Variants in PTPRF observed in about 807,000 individuals in gnomAD.
PTPRF encodes protein tyrosine phosphatase receptor type F, also known as receptor-type tyrosine-protein phosphatase F.
A neutral mutation model predicts 201.8 loss-of-function variants in PTPRF; 59 were observed. That is an observed-to-expected ratio of 0.29 (90% CI 0.24 to 0.36). The LOEUF is 0.36. PTPRF is among the 10% of genes least tolerant of loss of function. The pLI is 1.00. For missense variants in PTPRF, 2,132 were observed against 2,690.5 expected (o/e 0.79, Z 4.59); for synonymous variants, 1,088 against 1,089.7 (o/e 1.00, Z 0.03).
chr1:43,620,395 TG>T, intron 30 of PTPRF, 58 bp from the exon 31 acceptor site: 1 of 1,551,056 alleles, frequency 6.4e-7, no homozygotes, highest in Non-Finnish European at 8.8e-7. Flanking sequence ...CTGTGAAGCC[TG>T]GCACCCCTCC....
chr1:43,622,911 G>C lies in PTPRF; in HGVS notation c.*908G>C, dbSNP rs1275011619. ...AAAAAACCCAAGAAAAAAAAAAAGA[G>C]TCAGCCCTTGGCTTCTGCTTCAAAC... On this transcript the variant is annotated 3_prime_UTR_variant, in exon 34 of 34. Coordinates refer to ENST00000359947, the MANE Select transcript of PTPRF (RefSeq NM_002840.5). The C allele has an allele frequency of 6.6e-6, 1 of 152,248 alleles. No individual in the cohort carries two copies. Among genetic ancestry groups the C allele is most frequent in the Admixed American group, 6.5e-5 (1 of 15,270 alleles). The allele number at this position is 152,248 out of a possible 1,614,324, so 9.4% of individuals were successfully genotyped here. A position where few individuals can be genotyped will look rare whatever the true frequency, so the allele number is the denominator to read the frequency against.
rs776556792 is a variant in PTPRF, at chr1:43,620,861, G to A, written c.5388G>A (p.Arg1796=). 3.9e-5 allele frequency: 63 copies of A among 1,613,272 alleles called. 1 individual carries two copies. The highest frequency in any genetic ancestry group is 4.7e-5 in the Non-Finnish European group (56 of 1,179,548). ...AGGATGGGCAGTCAAGGACAATCCG[G>A]CAGTTCCAGTTCACAGACTGGCCAG... ...DARDGQSRTI[R]QFQFTDWPEQ... Residue 1796 remains arginine, a synonymous_variant, in exon 32 of 34, where the codon CGG becomes CGA. Transcript: ENST00000359947.
At chr1:43,615,551 CTTTTTTT>C (rs68193223) in intron 23 of PTPRF, among the ~76,000 whole-genome samples, 1 of 84,162 alleles carries the variant, frequency 1.2e-5, no homozygotes, top group African/African-American at 4.9e-5. Flanking sequence ...GCTCTGTTGT[CTTTTTTT>C]TTTTTTTTTT....
intron 3 of PTPRF, among the ~76,000 whole-genome samples, chr1:43,550,369 A>AG (rs1644950605): frequency 7.5e-6 from 1 of 132,966 alleles, no homozygotes. Context: ...CCCCGCCCCC[A>AG]GGCGCACTCG....
In PTPRF at chr1:43,607,027, C is replaced by T. The variant is rs988964935; in HGVS notation, c.3857+59C>T. ...ACCTGCCCCTCGCCTTTCAGGCCCTCTCCGGGTGTGGTGCCTGTGGAGAGC... is the reference window on the plus strand; with the variant it reads ...ACCTGCCCCTCGCCTTTCAGGCCCTTTCCGGGTGTGGTGCCTGTGGAGAGC... On this transcript the variant is annotated intron_variant, in intron 21 of 33. Transcript: ENST00000359947. The T allele has an allele frequency of 3.1e-6, 5 of 1,588,864 alleles. No individual in the cohort carries two copies. The African/African-American group carries it at 6.7e-5, about 21-fold the overall frequency.
chr1:43,591,313 C>A lies in PTPRF; in HGVS notation c.1291C>A (p.Leu431Met). The A allele has an allele frequency of 6.4e-7, 1 of 1,551,888 alleles. No homozygotes were observed. Among genetic ancestry groups the A allele is most frequent in the Non-Finnish European group, 8.7e-7 (1 of 1,149,344 alleles). The change falls in exon 9 of 34, where the codon CTG becomes ATG. Residue 431 changes from leucine to methionine, a missense_variant. By Grantham distance (15) the Leu-to-Met change is conservative. Around this residue, in one of 6 missense-constraint regions of PTPRF, gnomAD observed 351 missense variants for 401.7 expected, o/e 0.87. Transcript: ENST00000359947. ...QARMLSASTM[L>M]VQWEPPEEPN... is the part of the protein sequence containing the mutation. ...ACGCATGCTGAGCGCCAGCACCATG[C>A]TGGTGCAGTGGGAGCCTCCCGAGGA...
intron 5 of PTPRF, among the ~76,000 whole-genome samples, chr1:43,562,267 CCTGA>C (rs1487613427): frequency 6.6e-6 from 1 of 152,150 alleles, no homozygotes; most frequent in African/African-American, 2.4e-5. Context: ...CGCCACCACA[CCTGA>C]CTAATTTTTT....
intron 11 of PTPRF, 78 bp downstream of exon 11, chr1:43,592,679 C>G (rs539145089): frequency 5.1e-5 from 73 of 1,420,998 alleles, no homozygotes; most frequent in Non-Finnish European, 6.5e-5. Flanking sequence ...ATCCTTCCCC[C>G]TCGACCAGGC....
At chr1:43,523,968 C>A (rs1421607197), upstream of PTPRF, among the ~76,000 whole-genome samples, 1 of 142,690 alleles carries the variant, frequency 7.0e-6, no homozygotes, top group Non-Finnish European at 1.5e-5. Context: ...GAGGCTGAGG[C>A]ACAAGAATCA....
chr1:43,527,314 G>A (rs566528231), upstream of PTPRF, among the ~76,000 whole-genome samples: 7 of 152,324 alleles, frequency 4.6e-5, no homozygotes, highest in East Asian at 1.4e-3. Context: ...CGTGGACCCC[G>A]TGCTCACAGT....
At position 43,606,254 on chromosome 1, in the gene PTPRF, C is replaced by T. The variant is rs768685317; in HGVS notation, c.3498C>T (p.Ile1166=). The T allele has an allele frequency of 7.4e-6, 12 of 1,612,998 alleles. No homozygotes were observed. Among genetic ancestry groups the T allele is most frequent in the East Asian group, 4.5e-5 (2 of 44,902 alleles). ...ELELDELLEA[I]EQGGEEQRRR... is the part of the protein sequence containing the mutation. ...TGCTCTGCCAGCTTCTAGAAGCCAT[C>T]GAGCAAGGCGGAGAGGAGCAGCGGC... Residue 1166 remains isoleucine, a synonymous_variant, in exon 20 of 34, where the codon ATC becomes ATT. Transcript: ENST00000359947.
Position 43,623,357 on chromosome 1 carries a change from AG to A in PTPRF, c.*1358del, listed in dbSNP as rs1473096018. 6.6e-6 allele frequency: 1 copy of A among 152,534 alleles called. No individual in the cohort carries two copies. The highest frequency in any genetic ancestry group is 1.5e-5 in the Non-Finnish European group (1 of 68,030). 9.4% of individuals were successfully genotyped at this position (152,534 alleles called of 1,614,324 possible). A position where few individuals can be genotyped will look rare whatever the true frequency, so the allele number is the denominator to read the frequency against. On this transcript the variant is annotated 3_prime_UTR_variant, in exon 34 of 34. Transcript: ENST00000359947. ...CAGTCCTTATTATCCCAGCTTGCTG[AG>A]GGGCAGGGAGAGCGCCTCTTCCTCT...
chr1:43,585,833 T>C (rs1648985669), intron 7 of PTPRF, among the ~76,000 whole-genome samples: 1 of 152,188 alleles, frequency 6.6e-6, no homozygotes, highest in Non-Finnish European at 1.5e-5. Flanking sequence ...GCTGGGGCTC[T>C]TTGTCCTGGT....
At chr1:43,559,107 G>T (rs927003160) in intron 5 of PTPRF, among the ~76,000 whole-genome samples, 1 of 152,200 alleles carries the variant, frequency 6.6e-6, no homozygotes, top group South Asian at 2.1e-4. Context: ...GGCAGATAAC[G>T]TGCACTGTTC....
chr1:43,548,460 C>T (rs1041227388), intron 3 of PTPRF, among the ~76,000 whole-genome samples: 8 of 152,084 alleles, frequency 5.3e-5, no homozygotes, highest in Admixed American at 5.2e-4. Context: ...TGCTCTCCCC[C>T]TCGTTCTATG....
chr1:43,606,535 A>G (rs897499349), intron 20 of PTPRF, 77 bp downstream of exon 20: 3 of 1,373,072 alleles, frequency 2.2e-6, no homozygotes, highest in Non-Finnish European at 3.0e-6. Context: ...CTCAAACACC[A>G]CAAGACCCCA....
Position 43,592,573 on chromosome 1 carries a change from C to T in PTPRF, c.1785C>T (p.Pro595=), listed in dbSNP as rs772725027. 2 of 1,606,454 alleles carry T rather than the reference C, an allele frequency of 1.2e-6. No homozygotes were observed. The highest frequency in any genetic ancestry group is 1.7e-6 in the Non-Finnish European group (2 of 1,177,188). ...RSDMGVGVFT[P]TIEARTAQST... ...ATATGGGGGTGGGCGTCTTCACCCC[C>T]ACCATTGAGGCCCGCACAGCCCAGT... Residue 595 remains proline, a synonymous_variant, in exon 11 of 34, where the codon CCC becomes CCT. Coordinates refer to ENST00000359947, the MANE Select transcript of PTPRF (RefSeq NM_002840.5).
intron 3 of PTPRF, among the ~76,000 whole-genome samples, chr1:43,545,818 A>G (rs1012776294): frequency 7.9e-5 from 12 of 152,048 alleles, no homozygotes; most frequent in Admixed American, 7.2e-4. Flanking sequence ...TTTGTGTTGG[A>G]GGGAGGTGGA....
Position 43,553,671 on chromosome 1 carries a change from C to G in PTPRF, c.237+34C>G, listed in dbSNP as rs372837948. On this transcript the variant is annotated intron_variant, in intron 4 of 33. Coordinates refer to ENST00000359947, the MANE Select transcript of PTPRF (RefSeq NM_002840.5). This position sits in a 1 kb window ranked among gnomAD's most constrained non-coding sequence, Gnocchi z 4.1. ...GTGGTGGGAAGGGGTCGGCAGGGCT[C>G]AGGGTCTGCCCACACTCTCTCCTTT... 285 of 1,612,728 alleles carry G rather than the reference C, an allele frequency of 1.8e-4. 3 individuals are homozygous for G. Among genetic ancestry groups the G allele is most frequent in the South Asian group, 1.6e-3 (147 of 90,898 alleles).
Sources: allele counts gnomAD v4.1 joint callset (sites outside exome capture counted in the v4.1 genomes callset), GRCh38; gene constraint gnomAD v4.1.1; regional missense constraint gnomAD v4.1.1; non-coding constraint Gnocchi (gnomAD v3.1); transcripts MANE v1.5; gene names NCBI Gene and HGNC (gene_info 2026-07-23, HGNC 2026-07-21).